EIF4ENIF1: variants seen among roughly 807,000 people sequenced by gnomAD.
The protein encoded by EIF4ENIF1 is eukaryotic translation initiation factor 4E nuclear import factor 1.
EIF4ENIF1 carries 23 observed loss-of-function variants against 110.5 expected under a neutral mutation model. The observed-to-expected ratio is 0.21, with a 90% confidence interval of 0.15 to 0.29. The LOEUF (loss-of-function observed/expected upper bound fraction) is 0.29, where lower values mean the gene tolerates loss of function less well. Ranked by LOEUF, EIF4ENIF1 falls within the 10% of genes least tolerant of loss-of-function variation. EIF4ENIF1 has a pLI of 1.00. For missense variants in EIF4ENIF1, 1,031 were observed against 1,221.1 expected (o/e 0.84, Z 2.32); for synonymous variants, 440 against 437.0 (o/e 1.01, Z -0.09).
chr22:31,458,093 T>C (rs1354856745), intron 7 of EIF4ENIF1, among the ~76,000 whole-genome samples: 1 of 151,988 alleles, frequency 6.6e-6, no homozygotes, highest in African/African-American at 2.4e-5. Flanking sequence ...CTGGGCATGG[T>C]GGCACACACC....
intron 9 of EIF4ENIF1, among the ~76,000 whole-genome samples, chr22:31,454,855 A>C (rs1346616302): frequency 1.3e-5 from 2 of 152,172 alleles, no homozygotes; most frequent in Non-Finnish European, 1.5e-5. Context: ...TGGAGGAATA[A>C]AACATTCACT....
rs1332355868 is a variant in EIF4ENIF1, at chr22:31,488,715, C to G, written c.4G>C (p.Asp2His). The part of the protein sequence containing the change: M[D>H]RRSMGETESG... ...TCTGTTTCACCCATACTTCTCCTAT[C>G]CATGGCTCCTTGGTCTACAATGCTC... The change falls in exon 2 of 19, where the codon GAT becomes CAT. Residue 2 changes from aspartate to histidine, a missense_variant. Transcript: ENST00000330125. The G allele has an allele frequency of 6.2e-7, 1 of 1,613,932 alleles. No homozygotes were observed. Among genetic ancestry groups the G allele is most frequent in the African/African-American group, 1.3e-5 (1 of 74,906 alleles).
At chr22:31,448,021 T>A in intron 13 of EIF4ENIF1, 132 bp downstream of exon 13, 1 of 981,804 alleles carries the variant, frequency 1.0e-6, no homozygotes, top group Non-Finnish European at 1.6e-6. Context: ...AGTGCTGGGA[T>A]TACGGGCATG....
downstream of EIF4ENIF1, chr22:31,437,008 C>T (rs2050180448): frequency 6.6e-6 from 1 of 152,190 alleles, no homozygotes; most frequent in South Asian, 2.1e-4. Flanking sequence ...TTCACAAAGG[C>T]CAATGGACCT....
intron 2 of EIF4ENIF1, among the ~76,000 whole-genome samples, chr22:31,474,129 C>T (rs1016627984): frequency 1.3e-5 from 2 of 151,718 alleles, no homozygotes; most frequent in African/African-American, 4.8e-5. Context: ...GCAATCTTGG[C>T]TCACTGCAAC....
Position 31,463,969 on chromosome 22 carries a change from T to TG in EIF4ENIF1, c.299-3dup. The stretch of plus-strand genomic sequence containing the variant: ...CTTCTTTCACACGCTCTCGTGGATC[T>TG]GGAAGGACGTGGGAAAGACAAAGTT... On this transcript the variant is annotated splice_region_variant and splice_polypyrimidine_tract_variant and intron_variant, in intron 4 of 18. Coordinates refer to ENST00000330125, the MANE Select transcript of EIF4ENIF1 (RefSeq NM_019843.4). The TG allele has an allele frequency of 6.2e-7, 1 of 1,608,886 alleles. No homozygotes were observed. The highest frequency in any genetic ancestry group is 8.5e-7 in the Non-Finnish European group (1 of 1,178,314).
intron 17 of EIF4ENIF1, 126 bp downstream of exon 17, chr22:31,441,648 A>G (rs968635969): frequency 5.2e-5 from 42 of 811,314 alleles, no homozygotes; most frequent in Middle Eastern, 3.4e-4. Flanking sequence ...CCTGCCAGTT[A>G]GATGGGAGAA....
At chr22:31,470,164 C>CAAA (rs61046632) in intron 3 of EIF4ENIF1, among the ~76,000 whole-genome samples, 2 of 98,398 alleles carry the variant, frequency 2.0e-5, no homozygotes, top group Admixed American at 1.2e-4. Context: ...AACTCCACCT[C>CAAA]AAAAAAAAAA....
intron 16 of EIF4ENIF1, among the ~76,000 whole-genome samples, chr22:31,442,491 A>AACACC (rs1199996231): frequency 6.6e-6 from 1 of 152,124 alleles, no homozygotes; most frequent in Admixed American, 6.6e-5. Context: ...CTGTACTTTT[A>AACACC]ACACCTCTGT....
At position 31,455,083 on chromosome 22, in the gene EIF4ENIF1, C is replaced by T. The variant is rs2050774346; in HGVS notation, c.1279+53G>A. 2.0e-6 allele frequency: 3 copies of T among 1,476,808 alleles called. No individual in the cohort carries two copies. In the South Asian group the frequency reaches 4.3e-5, roughly 21 times the overall value. 91.5% of individuals were successfully genotyped at this position (1,476,808 alleles called of 1,614,324 possible). The stretch of plus-strand genomic sequence containing the variant: ...TATGTTAGACCCAACTGCCTGAAGA[C>T]TGAACATCTAGACCTTTTCAGATAT... On this transcript the variant is annotated intron_variant, in intron 9 of 18. Coordinates refer to ENST00000330125, the MANE Select transcript of EIF4ENIF1 (RefSeq NM_019843.4).
At chr22:31,481,379 C>T (rs2051811745) in intron 2 of EIF4ENIF1, among the ~76,000 whole-genome samples, 2 of 151,708 alleles carry the variant, frequency 1.3e-5, no homozygotes, top group African/African-American at 2.4e-5. Flanking sequence ...CCAGTCTGGT[C>T]GTGAACTCCT....
intron 11 of EIF4ENIF1, 65 bp downstream of exon 11, chr22:31,450,224 A>G: frequency 7.2e-7 from 1 of 1,390,678 alleles, no homozygotes; most frequent in Non-Finnish European, 1.0e-6. Context: ...TGGACCACTA[A>G]GCAAAACTGG....
At chr22:31,444,479 A>C in intron 15 of EIF4ENIF1, 127 bp downstream of exon 15, 1 of 880,020 alleles carries the variant, frequency 1.1e-6, no homozygotes, top group Non-Finnish European at 1.9e-6. Context: ...CAGTTATGAA[A>C]AACTACTAGG....
intron 2 of EIF4ENIF1, among the ~76,000 whole-genome samples, chr22:31,473,457 C>T (rs1218243679): frequency 6.6e-6 from 1 of 152,156 alleles, no homozygotes; most frequent in Non-Finnish European, 1.5e-5. Context: ...CTTCCCCCTC[C>T]AAAACAGGAT....
At chr22:31,463,294 G>A (rs893207658) in intron 5 of EIF4ENIF1, among the ~76,000 whole-genome samples, 161 bp from the exon 6 acceptor site, 1 of 152,004 alleles carries the variant, frequency 6.6e-6, no homozygotes, top group African/African-American at 2.4e-5. Context: ...TGGTTTAAGA[G>A]CAGGCTGTGT....
chr22:31,442,827 C>T (rs2145896907), intron 16 of EIF4ENIF1, 135 bp downstream of exon 16: 2 of 1,200,046 alleles, frequency 1.7e-6, no homozygotes, highest in Non-Finnish European at 2.3e-6. Context: ...TTCTCACTGA[C>T]ACAGAACCAT....
chr22:31,439,064 C>T (rs1030626839), downstream of EIF4ENIF1, among the ~76,000 whole-genome samples: 8 of 152,186 alleles, frequency 5.3e-5, no homozygotes, highest in Admixed American at 2.6e-4. Flanking sequence ...AACTTCAGAT[C>T]ACTTCCTTAA....
intron 4 of EIF4ENIF1, 75 bp downstream of exon 4, chr22:31,468,100 G>A (rs1448544706): frequency 1.3e-6 from 2 of 1,561,700 alleles, no homozygotes; most frequent in African/African-American, 2.7e-5. Flanking sequence ...AATTCTCAGA[G>A]CTAAGAATGA....
chr22:31,463,168 C>T, intron 5 of EIF4ENIF1, 35 bp from the exon 6 acceptor site: 1 of 1,596,850 alleles, frequency 6.3e-7, no homozygotes, highest in Non-Finnish European at 8.5e-7. Flanking sequence ...TAAAAAATTT[C>T]TAGTCAAGCC....
Sources: gnomAD v4.1 joint callset for allele counts (sites outside exome capture counted in the v4.1 genomes callset) on GRCh38, gnomAD v4.1.1 for gene constraint, MANE v1.5 for transcripts, NCBI Gene and HGNC (gene_info 2026-07-23, HGNC 2026-07-21) for gene names.